OGDH: variants seen among roughly 807,000 people sequenced by gnomAD.
OGDH encodes 2-oxoglutarate dehydrogenase complex component E1.
Under a neutral mutation model 116.6 loss-of-function variants are expected in OGDH, and 38 were observed. That is an observed-to-expected ratio of 0.33 (90% CI 0.25 to 0.43). The LOEUF is 0.43. OGDH is among the 20% of genes least tolerant of loss of function. The probability of loss-of-function intolerance (pLI) is 1.00; values close to 1 mark genes in which losing one functional copy is unlikely to be tolerated. For synonymous variants in OGDH, 488 were observed against 533.3 expected (o/e 0.92, Z 1.17); for missense variants, 825 against 1,357.2 (o/e 0.61, Z 6.16).
In OGDH at chr7:44,666,819, C is replaced by T; in HGVS notation, c.601C>T (p.Leu201Phe). The change falls in exon 5 of 23, where the codon CTT becomes TTT. Residue 201 changes from leucine (L) to phenylalanine (F), a missense_variant. Transcript: ENST00000222673. ...TTFIGGQESA[L>F]PLREIIRRLE... ...TTTCATCGGGGGACAGGAATCAGCA[C>T]TTCCTCTGCGGGAGATCATCCGTCG... 2 of 1,612,620 alleles carry T rather than the reference C, an allele frequency of 1.2e-6. No individual in the cohort carries two copies. The highest frequency in any genetic ancestry group is 1.3e-5 in the African/African-American group (1 of 74,940).
intron 20 of OGDH, among the ~76,000 whole-genome samples, chr7:44,705,046 A>ATTTTTTTTTTTTTTTT (rs1585406047): frequency 1.1e-5 from 1 of 87,682 alleles, no homozygotes; most frequent in African/African-American, 6.0e-5. Context: ...AAAGTTTTTA[A>ATTTTTTTTTTTTTTTT]TTTTCTTTTT....
intron 10 of OGDH, 90 bp downstream of exon 10, chr7:44,681,938 GATTATAAAAA>G: frequency 1.3e-6 from 2 of 1,512,504 alleles, no homozygotes; most frequent in Non-Finnish European, 1.8e-6. Context: ...ACTGTTTTCT[GATTATAAAAA>G]TACATCTGTT....
rs111658899 is a variant in OGDH at position 44,614,094 on chromosome 7, C to T, written c.-28+7441C>T. ...GTGCTGGGATTACAGGCATGAGCCA[C>T]GGCACCTGGCCTAGCTGTCTTTTTA... On this transcript the variant is annotated intron_variant, in intron 1 of 22. Coordinates refer to ENST00000222673, the MANE Select transcript of OGDH (RefSeq NM_002541.4). Among the ~76,000 whole-genome samples the T allele has an allele frequency of 1.6e-4, 25 of 152,090 alleles. No individual in the cohort carries two copies. In the East Asian group the frequency reaches 1.9e-3, roughly 12 times the overall value.
In OGDH at chr7:44,645,450, G is replaced by C. The variant is rs1406817126; in HGVS notation, c.346G>C (p.Ala116Pro). The change falls in exon 3 of 23, where the codon GCA (alanine) becomes CCA (proline). Residue 116 changes from alanine to proline, a missense_variant. Ala to Pro is a conservative substitution (Grantham distance 27). Coordinates refer to ENST00000222673, the MANE Select transcript of OGDH (RefSeq NM_002541.4). ...AVAHAQSLVEAQPNVDKLVED... is the reference protein window; with the variant it reads ...AVAHAQSLVEPQPNVDKLVED... Reference sequence around the variant, plus strand: ...GGCCCATGCACAGTCCCTGGTAGAAGCACAGCCCAACGTGGACAAGCTCGT... The same window carrying C: ...GGCCCATGCACAGTCCCTGGTAGAACCACAGCCCAACGTGGACAAGCTCGT... The C allele has an allele frequency of 2.5e-6, 4 of 1,614,184 alleles. No individual in the cohort carries two copies. The Admixed American group carries it at 6.7e-5, about 27-fold the overall frequency.
At chr7:44,706,624 A>ATTTTTTTTTTTTTT (rs60453820) in intron 20 of OGDH, among the ~76,000 whole-genome samples, 1 of 123,250 alleles carries the variant, frequency 8.1e-6, no homozygotes, top group African/African-American at 3.2e-5. Context: ...CCCGGCTGGT[A>ATTTTTTTTTTTTTT]TTTTTTTTTT....
At chr7:44,618,451 T>C (rs1349429694) in intron 1 of OGDH, among the ~76,000 whole-genome samples, 31 of 152,212 alleles carry the variant, frequency 2.0e-4, no homozygotes, top group Admixed American at 1.8e-3. Context: ...CTAATCTACT[T>C]TCTCTCTGTA....
At chr7:44,662,783 C>G (rs368207350) in intron 4 of OGDH, among the ~76,000 whole-genome samples, 4 of 152,122 alleles carry the variant, frequency 2.6e-5, no homozygotes, top group African/African-American at 9.7e-5. Context: ...TTTCTACCCT[C>G]CATGGTTTCT....
intron 1 of OGDH, among the ~76,000 whole-genome samples, chr7:44,618,459 G>A (rs925753796): frequency 1.3e-5 from 2 of 152,030 alleles, no homozygotes; most frequent in African/African-American, 4.8e-5. Flanking sequence ...CTTTCTCTCT[G>A]TATAGATTTG....
At chr7:44,635,287 T>C (rs563032035) in intron 2 of OGDH, among the ~76,000 whole-genome samples, 15 of 152,252 alleles carry the variant, frequency 9.9e-5, no homozygotes, top group African/African-American at 3.4e-4. Flanking sequence ...GCCCTGTAGT[T>C]GATATTTATA....
intron 13 of OGDH, 42 bp from the exon 14 acceptor site, chr7:44,696,387 A>T (rs1032294648): frequency 6.3e-7 from 1 of 1,593,220 alleles, no homozygotes; most frequent in Non-Finnish European, 8.5e-7. Context: ...TCCCTGGAAA[A>T]GTAGAGCAGA....
chr7:44,672,281 CCT>C (rs1171345357), intron 5 of OGDH, among the ~76,000 whole-genome samples: 1 of 152,140 alleles, frequency 6.6e-6, no homozygotes, highest in Middle Eastern at 3.2e-3. Flanking sequence ...AGCCCACCCT[CCT>C]CTGCAAAGAA....
At chr7:44,661,897 C>A (rs141624084) in intron 4 of OGDH, among the ~76,000 whole-genome samples, 1 of 152,212 alleles carries the variant, frequency 6.6e-6, no homozygotes, top group South Asian at 2.1e-4. Context: ...CCACGCCTGG[C>A]GTGTTTTTGA....
chr7:44,703,945 C>T (rs1788953144), intron 20 of OGDH, among the ~76,000 whole-genome samples: 1 of 152,026 alleles, frequency 6.6e-6, no homozygotes, highest in Admixed American at 6.6e-5. Context: ...TTTGCTCATC[C>T]ATTCATCTGT....
At chr7:44,689,392 CTTTTTT>C (rs561058807) in intron 10 of OGDH, among the ~76,000 whole-genome samples, 2 of 71,268 alleles carry the variant, frequency 2.8e-5, no homozygotes, top group African/African-American at 1.2e-4. Flanking sequence ...ATTTTTTTTT[CTTTTTT>C]TTTTTTTTTT....
intron 17 of OGDH, 87 bp from the exon 18 acceptor site, chr7:44,698,105 G>A: frequency 7.0e-7 from 1 of 1,420,660 alleles, no homozygotes; most frequent in Admixed American, 1.7e-5. Flanking sequence ...AACCAGAAAT[G>A]AGCTAGTTGG....
At chr7:44,693,265 G>A (rs925715094) in intron 10 of OGDH, among the ~76,000 whole-genome samples, 1 of 151,302 alleles carries the variant, frequency 6.6e-6, no homozygotes, top group African/African-American at 2.4e-5. Context: ...CTGAGATCAC[G>A]CCATTGCACT....
intron 4 of OGDH, among the ~76,000 whole-genome samples, chr7:44,663,149 T>A (rs1283722567): frequency 6.6e-6 from 1 of 152,252 alleles, no homozygotes; most frequent in African/African-American, 2.4e-5. Flanking sequence ...GATTGGTTAA[T>A]TTCTGTTGTT....
Position 44,708,571 on chromosome 7 carries a change from C to CAGCT in OGDH, c.*573_*576dup, listed in dbSNP as rs1196424557. 1 of 152,826 alleles carries CAGCT rather than the reference C, an allele frequency of 6.5e-6. No homozygotes were observed. The highest frequency in any genetic ancestry group is 1.9e-4 in the East Asian group (1 of 5,200). The allele number at this position is 152,826 out of a possible 1,614,324, so 9.5% of individuals were successfully genotyped here. Reference sequence around the variant, plus strand: ...TTGGCCTGACCTGGCACAGAAAGGGCAGCTTCAGTCTCTGCAGTGTCCATT... The same window carrying CAGCT: ...TTGGCCTGACCTGGCACAGAAAGGGCAGCTAGCTTCAGTCTCTGCAGTGTCCATT... On this transcript the variant is annotated 3_prime_UTR_variant, in exon 23 of 23. Transcript: ENST00000222673.
chr7:44,631,174 C>T (rs1479902955), intron 2 of OGDH, among the ~76,000 whole-genome samples: 2 of 152,156 alleles, frequency 1.3e-5, no homozygotes, highest in East Asian at 3.8e-4. Flanking sequence ...TTTCAATCCA[C>T]GTTTGGTTGA....
Sources: gnomAD v4.1 joint callset for allele counts (sites outside exome capture counted in the v4.1 genomes callset) on GRCh38, gnomAD v4.1.1 for gene constraint, MANE v1.5 for transcripts, NCBI Gene and HGNC (gene_info 2026-07-23, HGNC 2026-07-21) for gene names.